Variants in BMAL2 observed in about 807,000 individuals in gnomAD.
The protein encoded by BMAL2 is basic helix-loop-helix ARNT like 2.
chr12:27,365,894 T>C, the BMAL2 span, among the ~76,000 whole-genome samples: 1 of 151,812 alleles, frequency 6.6e-6, no homozygotes, highest in East Asian at 1.9e-4. Context: ...TTTGGATTTA[T>C]TTTACTGATC....
At chr12:27,380,742 G>GC in the BMAL2 span, among the ~76,000 whole-genome samples, 1 of 152,128 alleles carries the variant, frequency 6.6e-6, no homozygotes, top group Non-Finnish European at 1.5e-5. Context: ...GGGCGTGGTG[G>GC]CTCATGCTTG....
chr12:27,388,861 CA>C, the BMAL2 span, among the ~76,000 whole-genome samples: 1 of 151,494 alleles, frequency 6.6e-6, no homozygotes, highest in African/African-American at 2.4e-5. Context: ...TTAACAAGGA[CA>C]AAAAAAGTTC....
At chr12:27,344,087 C>G in the BMAL2 span, among the ~76,000 whole-genome samples, 1 of 152,310 alleles carries the variant, frequency 6.6e-6, no homozygotes, top group South Asian at 2.1e-4. Flanking sequence ...GAGGTAGGTA[C>G]TATTGTTAAT....
At chr12:27,377,620 A>C in the BMAL2 span, 1 of 152,238 alleles carries the variant, frequency 6.6e-6, no homozygotes, top group African/African-American at 2.4e-5. Flanking sequence ...ATTGCTCTGT[A>C]ATCCCAGCTC....
the BMAL2 span, among the ~76,000 whole-genome samples, chr12:27,409,098 T>C: frequency 6.6e-6 from 1 of 151,978 alleles, no homozygotes; most frequent in African/African-American, 2.4e-5. Context: ...TAAAAGAGGA[T>C]ACAAACAAAT....
chr12:27,354,274 G>A, the BMAL2 span, among the ~76,000 whole-genome samples: 1 of 152,162 alleles, frequency 6.6e-6, no homozygotes. Flanking sequence ...GCAGCAACAC[G>A]GATGGAGCTG....
At chr12:27,418,410 G>T in the BMAL2 span, among the ~76,000 whole-genome samples, 3 of 150,336 alleles carry the variant, frequency 2.0e-5, no homozygotes, top group Non-Finnish European at 4.4e-5. Context: ...AACCAGCCTG[G>T]CACACATAGC....
At chr12:27,407,625 C>T in the BMAL2 span, among the ~76,000 whole-genome samples, 1 of 151,816 alleles carries the variant, frequency 6.6e-6, no homozygotes, top group Admixed American at 6.6e-5. Flanking sequence ...GCACTAAATG[C>T]CCACAAGAGA....
At chr12:27,391,938 T>C in the BMAL2 span, among the ~76,000 whole-genome samples, 1 of 152,126 alleles carries the variant, frequency 6.6e-6, no homozygotes, top group Non-Finnish European at 1.5e-5. Flanking sequence ...ACAGCCGAAA[T>C]AGAGGTGAAG....
chr12:27,389,391 C>A, the BMAL2 span: 2 of 752,322 alleles, frequency 2.7e-6, no homozygotes, highest in East Asian at 2.6e-5. Flanking sequence ...GCTAACTAAG[C>A]TTTTATCAAG....
At chr12:27,417,719 C>G in the BMAL2 span, among the ~76,000 whole-genome samples, 1 of 152,110 alleles carries the variant, frequency 6.6e-6, no homozygotes, top group Non-Finnish European at 1.5e-5. Context: ...CTTGGCCAGG[C>G]GCAGTGGCTC....
the BMAL2 span, among the ~76,000 whole-genome samples, chr12:27,345,498 G>C: frequency 1.3e-5 from 2 of 151,870 alleles, no homozygotes; most frequent in African/African-American, 2.4e-5. Context: ...TTTTATTATT[G>C]TTTATTTTAT....
chr12:27,398,072 C>T, the BMAL2 span, among the ~76,000 whole-genome samples: 2 of 152,198 alleles, frequency 1.3e-5, no homozygotes, highest in Non-Finnish European at 2.9e-5. Context: ...TTATTAGCTT[C>T]CTTCTCTTCC....
At chr12:27,363,079 G>C in the BMAL2 span, among the ~76,000 whole-genome samples, 1 of 152,046 alleles carries the variant, frequency 6.6e-6, no homozygotes, top group East Asian at 1.9e-4. Flanking sequence ...CTTCATGCTG[G>C]GATTACAGGC....
At chr12:27,369,181 A>G in the BMAL2 span, among the ~76,000 whole-genome samples, 1 of 152,246 alleles carries the variant, frequency 6.6e-6, no homozygotes, top group East Asian at 1.9e-4. Flanking sequence ...ACTTTACATA[A>G]ATGTGAGAGT....
chr12:27,336,528 C>T, the BMAL2 span, among the ~76,000 whole-genome samples: 1 of 152,334 alleles, frequency 6.6e-6, no homozygotes, highest in African/African-American at 2.4e-5. Context: ...TATGTATGCC[C>T]TGCCGCACCC....
At chr12:27,396,249 T>G in the BMAL2 span, among the ~76,000 whole-genome samples, 1 of 152,162 alleles carries the variant, frequency 6.6e-6, no homozygotes, top group Non-Finnish European at 1.5e-5. Flanking sequence ...AGTGCTTGGC[T>G]TCTAGGAAGC....
chr12:27,407,451 A>G, the BMAL2 span, among the ~76,000 whole-genome samples: 1 of 152,136 alleles, frequency 6.6e-6, no homozygotes, highest in South Asian at 2.1e-4. Context: ...ACTCAAAACC[A>G]CTCAACTACA....
At chr12:27,411,740 A>G in the BMAL2 span, among the ~76,000 whole-genome samples, 1 of 152,202 alleles carries the variant, frequency 6.6e-6, no homozygotes, top group Admixed American at 6.5e-5. Context: ...TATTCTGGAT[A>G]TTAACCACTT....
Sources: allele counts gnomAD v4.1 joint callset (sites outside exome capture counted in the v4.1 genomes callset), GRCh38; gene constraint gnomAD v4.1.1; transcripts MANE v1.5; gene names NCBI Gene and HGNC (gene_info 2026-07-23, HGNC 2026-07-21).